TEAD1: variants seen among roughly 807,000 people sequenced by gnomAD.
TEAD1 encodes the protein transcriptional enhancer factor TEF-1.
A neutral mutation model predicts 54.9 loss-of-function variants in TEAD1; 9 were observed. The observed-to-expected ratio is 0.16, with a 90% confidence interval of 0.10 to 0.29. The LOEUF (loss-of-function observed/expected upper bound fraction) is 0.29, where lower values mean the gene tolerates loss of function less well. TEAD1 is among the 10% of genes least tolerant of loss of function. The pLI, the probability that TEAD1 is intolerant of heterozygous loss-of-function variation, is 1.00. For missense variants in TEAD1, 387 were observed against 535.9 expected, an observed-to-expected ratio of 0.72 and a Z score of 2.74; for synonymous variants, 200 against 187.8, an observed-to-expected ratio of 1.07 and a Z score of -0.53.
At chr11:12,771,688 C>G (rs929705037) in intron 3 of TEAD1, among the ~76,000 whole-genome samples, 1 of 152,128 alleles carries the variant, frequency 6.6e-6, no homozygotes, top group African/African-American at 2.4e-5. Flanking sequence ...AAATTCCTGC[C>G]TAGAGCTCAG....
intron 3 of TEAD1, among the ~76,000 whole-genome samples, chr11:12,829,247 T>C (rs1946721428): frequency 6.6e-6 from 1 of 152,174 alleles, no homozygotes; most frequent in Non-Finnish European, 1.5e-5. Flanking sequence ...TTCTCAGAGC[T>C]TTCCGTGGTG....
At chr11:12,709,801 T>C (rs1053795195) in intron 2 of TEAD1, among the ~76,000 whole-genome samples, 4 of 152,134 alleles carry the variant, frequency 2.6e-5, no homozygotes, top group African/African-American at 9.7e-5. Flanking sequence ...AGTGCTGGGA[T>C]TGCAGTTGTG....
intron 3 of TEAD1, among the ~76,000 whole-genome samples, chr11:12,789,186 C>T (rs1271344676): frequency 6.6e-6 from 1 of 152,090 alleles, no homozygotes; most frequent in Non-Finnish European, 1.5e-5. Flanking sequence ...AGCTGTATGA[C>T]TTTGATTTTA....
At position 12,686,545 on chromosome 11, in the gene TEAD1, G is replaced by GT. The variant is rs908778462; in HGVS notation, c.-55+10994dup. Among the ~76,000 whole-genome samples the GT allele has an allele frequency of 4.3e-3, 639 of 148,534 alleles. 2 individuals are homozygous for GT. The highest frequency in any genetic ancestry group is 0.014 in the African/African-American group (570 of 40,706). Reference sequence around the variant, plus strand: ...CCAAAAAAGTTTAATTTAGAAAGAAGTTTTTTTTTTAGTGGTATTCTGAAA... The same window carrying GT: ...CCAAAAAAGTTTAATTTAGAAAGAAGTTTTTTTTTTTAGTGGTATTCTGAAA... On this transcript the variant is annotated intron_variant, in intron 2 of 12. Coordinates refer to ENST00000527636, the MANE Select transcript of TEAD1 (RefSeq NM_021961.6).
At chr11:12,719,581 A>AGGGGGGGC (rs1013558134) in intron 2 of TEAD1, among the ~76,000 whole-genome samples, 1 of 40,522 alleles carries the variant, frequency 2.5e-5, no homozygotes, top group Non-Finnish European at 5.8e-5. Flanking sequence ...TTTTGGGGGG[A>AGGGGGGGC]GGGGGGGCGG....
At chr11:12,773,426 A>T (rs1383905579) in intron 3 of TEAD1, among the ~76,000 whole-genome samples, 1 of 152,216 alleles carries the variant, frequency 6.6e-6, no homozygotes, top group Non-Finnish European at 1.5e-5. Context: ...CCTCACCAGC[A>T]TTTGGTGTCA....
intron 5 of TEAD1, among the ~76,000 whole-genome samples, chr11:12,873,346 A>G (rs932648644): frequency 6.6e-6 from 1 of 152,154 alleles, no homozygotes; most frequent in African/African-American, 2.4e-5. Flanking sequence ...TTCCTGGGAG[A>G]GAGTCATGAG....
At chr11:12,763,552 T>G (rs1945141778) in intron 2 of TEAD1, among the ~76,000 whole-genome samples, 1 of 152,210 alleles carries the variant, frequency 6.6e-6, no homozygotes, top group Non-Finnish European at 1.5e-5. Flanking sequence ...AGAATGAGTA[T>G]GTGTGATACC....
chr11:12,924,581 A>T (rs1408337792), intron 10 of TEAD1, among the ~76,000 whole-genome samples: 5 of 152,220 alleles, frequency 3.3e-5, no homozygotes, highest in Non-Finnish European at 7.3e-5. Flanking sequence ...ATGAGTGAAC[A>T]TGAATCCAAT....
intron 3 of TEAD1, among the ~76,000 whole-genome samples, chr11:12,789,202 T>C (rs535433295): frequency 6.6e-6 from 1 of 152,298 alleles, no homozygotes; most frequent in East Asian, 1.9e-4. Context: ...TTTTAGTAAG[T>C]CTCCTCTGTA....
intron 3 of TEAD1, among the ~76,000 whole-genome samples, chr11:12,825,243 C>T (rs1176244190): frequency 6.6e-6 from 1 of 152,026 alleles, no homozygotes; most frequent in African/African-American, 2.4e-5. Flanking sequence ...ACTGCAGGTT[C>T]AGAAATCAAA....
intron 2 of TEAD1, among the ~76,000 whole-genome samples, chr11:12,721,646 A>G (rs1240527825): frequency 1.3e-5 from 2 of 152,230 alleles, no homozygotes; most frequent in African/African-American, 2.4e-5. Flanking sequence ...TATGCTAAGC[A>G]TGGACATGTG....
intron 10 of TEAD1, among the ~76,000 whole-genome samples, chr11:12,903,756 G>A (rs1948464082): frequency 6.6e-6 from 1 of 152,210 alleles, no homozygotes; most frequent in African/African-American, 2.4e-5. Flanking sequence ...AAGCTGCACT[G>A]AGCTATGATT....
intron 2 of TEAD1, among the ~76,000 whole-genome samples, chr11:12,749,815 C>T (rs995772979): frequency 3.4e-5 from 5 of 146,010 alleles, no homozygotes; most frequent in Non-Finnish European, 7.4e-5. Flanking sequence ...AGTAGTTACT[C>T]ACTTATCCTG....
At chr11:12,923,774 T>C (rs1245474404) in intron 10 of TEAD1, among the ~76,000 whole-genome samples, 4 of 152,204 alleles carry the variant, frequency 2.6e-5, no homozygotes, top group Non-Finnish European at 4.4e-5. Flanking sequence ...AAAGCCCTAC[T>C]TATAGCAGCG....
At chr11:12,853,331 C>T (rs780533641) in intron 3 of TEAD1, among the ~76,000 whole-genome samples, 7 of 151,962 alleles carry the variant, frequency 4.6e-5, no homozygotes, top group Non-Finnish European at 7.4e-5. Flanking sequence ...TAGTTAGGGG[C>T]CAGATGGTGG....
chr11:12,821,578 A>C (rs996472927), intron 3 of TEAD1, among the ~76,000 whole-genome samples: 2 of 152,198 alleles, frequency 1.3e-5, no homozygotes, highest in Non-Finnish European at 1.5e-5. Flanking sequence ...CTGAGCATGC[A>C]GTCGGAAACT....
intron 3 of TEAD1, among the ~76,000 whole-genome samples, chr11:12,792,713 A>G (rs553022651): frequency 6.6e-6 from 1 of 152,330 alleles, no homozygotes; most frequent in East Asian, 1.9e-4. Context: ...TACATGAGAT[A>G]TATAGTAAAG....
intron 10 of TEAD1, among the ~76,000 whole-genome samples, chr11:12,902,826 C>T: frequency 6.6e-6 from 1 of 152,072 alleles, no homozygotes; most frequent in Non-Finnish European, 1.5e-5. Context: ...CCAGTCTATG[C>T]TCTGCCTTCT....
Sources: gnomAD v4.1 joint callset for allele counts (sites outside exome capture counted in the v4.1 genomes callset) on GRCh38, gnomAD v4.1.1 for gene constraint, MANE v1.5 for transcripts, NCBI Gene and HGNC (gene_info 2026-07-23, HGNC 2026-07-21) for gene names.